The following PMAIP1 variants were observed in gnomAD, a reference collection of about 807,000 sequenced individuals.
PMAIP1 encodes PMA-induced protein 1.
PMAIP1 carries 3 observed loss-of-function variants against 3.7 expected under a neutral mutation model. The observed-to-expected ratio is 0.82, with a 90% CI of 0.37 to 2.12. PMAIP1 has a LOEUF of 2.12. PMAIP1 is among the 30% of genes most tolerant of loss of function. PMAIP1 has a pLI of 0.06. For synonymous variants in PMAIP1, 29 were observed against 26.2 expected (o/e 1.11, Z -0.32); for missense variants, 77 against 67.1 (o/e 1.15, Z -0.52).
At chr18:59,900,682 A>G in intron 1 of PMAIP1, 1 of 1,226,324 alleles carries the variant, frequency 8.2e-7, no homozygotes, top group Non-Finnish European at 1.1e-6. Context: ...CGGCCCCACA[A>G]GGGCCCCTGT....
At position 59,902,667 on chromosome 18, in the gene PMAIP1, A is replaced by G. The variant is rs949770321; in HGVS notation, c.79A>G (p.Thr27Ala). ...APAELEVECA[T>A]QLRRFGDKLN... The stretch of plus-strand genomic sequence containing the variant: ...CTCAGAGCTGGAAGTCGAGTGTGCT[A>G]CTCAACTCAGGAGATTTGGAGACAA... The change falls in exon 2 of 2, where the codon ACT (threonine) becomes GCT (alanine). Residue 27 changes from threonine (T) to alanine (A), a missense_variant. Thr to Ala is a moderately conservative substitution (Grantham distance 58, BLOSUM62 0). Coordinates refer to ENST00000316660, the MANE Select transcript of PMAIP1 (RefSeq NM_021127.3). The G allele has an allele frequency of 9.9e-6, 16 of 1,614,130 alleles. No homozygotes were observed. Among genetic ancestry groups the G allele is most frequent in the Non-Finnish European group, 1.1e-5 (13 of 1,179,980 alleles).
Position 59,903,938 on chromosome 18 carries a change from T to C in PMAIP1, c.*1185T>C, listed in dbSNP as rs1459799723. The C allele has an allele frequency of 6.6e-6, 1 of 152,154 alleles. No homozygotes were observed. The highest frequency in any genetic ancestry group is 1.5e-5 in the Non-Finnish European group (1 of 68,008). The allele number at this position is 152,154 out of a possible 1,614,324, so 9.4% of individuals were successfully genotyped here. ...GGGCTATATACAGTCCTCAAATAAA[T>C]AATGTCTTGATTTTATTTCAGCAGG... On this transcript the variant is annotated 3_prime_UTR_variant, in exon 2 of 2. Transcript: ENST00000316660.
rs1388717869 is a variant in PMAIP1, at chr18:59,903,747, A to T, written c.*994A>T. The T allele has an allele frequency of 1.3e-5, 2 of 152,206 alleles. No individual in the cohort carries two copies. The highest frequency in any genetic ancestry group is 6.5e-5 in the Admixed American group (1 of 15,284). The allele number at this position is 152,206 out of a possible 1,614,324, so 9.4% of individuals were successfully genotyped here. A position where few individuals can be genotyped will look rare whatever the true frequency, so the allele number is the denominator to read the frequency against. On this transcript the variant is annotated 3_prime_UTR_variant, in exon 2 of 2. Coordinates refer to ENST00000316660, the MANE Select transcript of PMAIP1 (RefSeq NM_021127.3). ...TTGGAATATACTTTTCTTAAAAAAA[A>T]GGAACAGTTAGTTCTCATCTAGAAT...
In PMAIP1 at chr18:59,902,669, T is replaced by A; in HGVS notation, c.81T>A (p.Thr27=). The A allele has an allele frequency of 6.2e-7, 1 of 1,614,168 alleles. No homozygotes were observed. The highest frequency in any genetic ancestry group is 8.5e-7 in the Non-Finnish European group (1 of 1,180,006). ...CAGAGCTGGAAGTCGAGTGTGCTAC[T>A]CAACTCAGGAGATTTGGAGACAAAC... is the stretch of plus-strand genomic sequence containing the variant. ...APAELEVECA[T]QLRRFGDKLN... is the part of the protein sequence containing the mutation. The change falls in exon 2 of 2, where the codon ACT becomes ACA. Residue 27 remains threonine (T), a synonymous_variant. Transcript: ENST00000316660.
intron 1 of PMAIP1, among the ~76,000 whole-genome samples, chr18:59,900,968 A>G: frequency 6.6e-6 from 1 of 152,068 alleles, no homozygotes; most frequent in African/African-American, 2.4e-5. Flanking sequence ...CCACCTTTTA[A>G]GTTACTTTCA....
intron 1 of PMAIP1, among the ~76,000 whole-genome samples, chr18:59,901,399 A>G (rs970450269): frequency 6.6e-6 from 1 of 152,180 alleles, no homozygotes; most frequent in Non-Finnish European, 1.5e-5. Context: ...TTCTTTTAGA[A>G]CTGTATATTA....
chr18:59,900,813 A>G, intron 1 of PMAIP1: 1 of 516,992 alleles, frequency 1.9e-6, no homozygotes, highest in East Asian at 3.3e-5. Flanking sequence ...CCCCACCCCG[A>G]TACATACAGC....
chr18:59,900,505 A>G (rs555721032), intron 1 of PMAIP1: 3 of 1,550,438 alleles, frequency 1.9e-6, no homozygotes, highest in Admixed American at 3.9e-5. Flanking sequence ...CACCAGGGGC[A>G]AAAAGCTCCT....
intron 1 of PMAIP1, 65 bp from the exon 2 acceptor site, chr18:59,902,582 G>A (rs1392871831): frequency 3.6e-6 from 5 of 1,376,312 alleles, no homozygotes; most frequent in Non-Finnish European, 5.2e-6. Context: ...GGGCGTATTA[G>A]GTTTTGCTGG....
In PMAIP1 at chr18:59,900,230, C is replaced by T. The variant is rs2055750089; in HGVS notation, c.53C>T (p.Pro18Leu). ...KNAQPSPARA[P>L]AELEVECATQ... Reference sequence around the variant, plus strand: ...GCTCAACCGAGCCCCGCGCGGGCTCCAGCAGGTACCGACCCGCTGGGGCCA... The same window carrying T: ...GCTCAACCGAGCCCCGCGCGGGCTCTAGCAGGTACCGACCCGCTGGGGCCA... Residue 18 changes from proline (P) to leucine (L), a missense_variant, in exon 1 of 2, where the codon CCA becomes CTA. Pro to Leu is a moderately conservative substitution (Grantham distance 98, BLOSUM62 -3). Transcript: ENST00000316660. 5 of 1,549,234 alleles carry T rather than the reference C, an allele frequency of 3.2e-6. No homozygotes were observed. Among genetic ancestry groups the T allele is most frequent in the Admixed American group, 2.0e-5 (1 of 51,096 alleles).
At chr18:59,902,610 A>T in intron 1 of PMAIP1, 37 bp from the exon 2 acceptor site, 1 of 1,558,080 alleles carries the variant, frequency 6.4e-7, no homozygotes, top group Non-Finnish European at 8.9e-7. Context: ...CTGTAATATC[A>T]TCAATGTTCA....
intron 1 of PMAIP1, among the ~76,000 whole-genome samples, chr18:59,901,713 G>A (rs1416400890): frequency 1.1e-4 from 17 of 152,142 alleles, no homozygotes; most frequent in Admixed American, 1.1e-3. Flanking sequence ...TAATCATGAA[G>A]TGTACCCGAA....
rs559709122 is a variant in PMAIP1 at position 59,902,862 on chromosome 18, G to T, written c.*109G>T. 4 of 1,562,834 alleles carry T rather than the reference G, an allele frequency of 2.6e-6. No homozygotes were observed. Among genetic ancestry groups the T allele is most frequent in the Admixed American group, 1.9e-5 (1 of 53,126 alleles). On this transcript the variant is annotated 3_prime_UTR_variant, in exon 2 of 2. Coordinates refer to ENST00000316660, the MANE Select transcript of PMAIP1 (RefSeq NM_021127.3). ...CATTGTAATTGAGAGGAATGTGAAG[G>T]TGCATTCATGGGTGCCCTTGGAAAC...
At chr18:59,900,766 T>G (rs2143559082) in intron 1 of PMAIP1, 1 of 609,864 alleles carries the variant, frequency 1.6e-6, no homozygotes, top group East Asian at 2.8e-5. Flanking sequence ...AGAATAGGAG[T>G]TAGTCCGCTC....
Position 59,903,935 on chromosome 18 carries a change from AAAT to A in PMAIP1, c.*1186_*1188del, listed in dbSNP as rs1235933013. On this transcript the variant is annotated 3_prime_UTR_variant, in exon 2 of 2. Transcript: ENST00000316660. ...TCTGGGCTATATACAGTCCTCAAAT[AAAT>A]AATGTCTTGATTTTATTTCAGCAGG... 1.3e-5 allele frequency: 2 copies of A among 151,284 alleles called. No homozygotes were observed. The highest frequency in any genetic ancestry group is 2.9e-5 in the Non-Finnish European group (2 of 68,012). The allele number at this position is 151,284 out of a possible 1,614,324, so 9.4% of individuals were successfully genotyped here.
intron 1 of PMAIP1, 143 bp from the exon 2 acceptor site, chr18:59,902,504 A>T (rs931980371): frequency 7.6e-6 from 5 of 657,400 alleles, no homozygotes; most frequent in Admixed American, 2.5e-5. Context: ...TCACATTTGG[A>T]AAACAGGTGC....
chr18:59,901,698 G>A (rs2055771443), intron 1 of PMAIP1, among the ~76,000 whole-genome samples: 1 of 152,080 alleles, frequency 6.6e-6, no homozygotes, highest in Admixed American at 6.6e-5. Flanking sequence ...ATTTTTTAAT[G>A]TTTGTAATCA....
Position 59,904,056 on chromosome 18 carries a change from CT to C in PMAIP1, c.*1305del, listed in dbSNP as rs2055792649. Reference sequence around the variant, plus strand: ...AGTTACATTTTTGAGTTACAAGAGTCTTATAACTACTTGAATTTTTAGTTAA... The same window carrying C: ...AGTTACATTTTTGAGTTACAAGAGTCTATAACTACTTGAATTTTTAGTTAA... On this transcript the variant is annotated 3_prime_UTR_variant, in exon 2 of 2. Transcript: ENST00000316660. 1 of 152,024 alleles carries C rather than the reference CT, an allele frequency of 6.6e-6. No homozygotes were observed. Among genetic ancestry groups the C allele is most frequent in the African/African-American group, 2.4e-5 (1 of 41,400 alleles). The allele number at this position is 152,024 out of a possible 1,614,324, so 9.4% of individuals were successfully genotyped here.
In PMAIP1 at chr18:59,904,245, AC is replaced by A. The variant is rs2055795599; in HGVS notation, c.*1493del. ...TATTTATGGTCTAATTTGTATTTAA[AC>A]ATATGCACACATATAAAAGTTGATA... On this transcript the variant is annotated 3_prime_UTR_variant, in exon 2 of 2. Transcript: ENST00000316660. The A allele has an allele frequency of 6.6e-6, 1 of 152,200 alleles. No individual in the cohort carries two copies. Among genetic ancestry groups the A allele is most frequent in the South Asian group, 2.1e-4 (1 of 4,834 alleles). 9.4% of individuals were successfully genotyped at this position (152,200 alleles called of 1,614,324 possible). A position where few individuals can be genotyped will look rare whatever the true frequency, so the allele number is the denominator to read the frequency against.
Sources: gnomAD v4.1 joint callset for allele counts (sites outside exome capture counted in the v4.1 genomes callset) on GRCh38, gnomAD v4.1.1 for gene constraint, MANE v1.5 for transcripts, NCBI Gene and HGNC (gene_info 2026-07-23, HGNC 2026-07-21) for gene names.